The following SGTA variants were observed in gnomAD, a reference collection of about 807,000 sequenced individuals.
SGTA encodes the protein small glutamine-rich tetratricopeptide repeat-containing protein alpha.
A neutral mutation model predicts 44.3 loss-of-function variants in SGTA; 22 were observed. That is an observed-to-expected ratio of 0.50 (90% CI 0.36 to 0.71). SGTA has a LOEUF of 0.71. SGTA is among the 30% of genes least tolerant of loss of function. The pLI, the probability that SGTA is intolerant of heterozygous loss-of-function variation, is 0.00. For missense variants in SGTA, 341 were observed against 435.9 expected (o/e 0.78, Z 1.94); for synonymous variants, 174 against 177.6 (o/e 0.98, Z 0.16).
chr19:2,775,894 C>T (rs1022469679), intron 1 of SGTA, among the ~76,000 whole-genome samples: 3 of 152,170 alleles, frequency 2.0e-5, no homozygotes, highest in Admixed American at 6.5e-5. Context: ...TGTTTTGTGT[C>T]GCTGGACAGG....
At position 2,755,617 on chromosome 19, in the gene SGTA, T is replaced by A; in HGVS notation, c.*323A>T. 1 of 985,556 alleles carries A rather than the reference T, an allele frequency of 1.0e-6. No individual in the cohort carries two copies. The highest frequency in any genetic ancestry group is 4.7e-5 in the South Asian group (1 of 21,292). The allele number at this position is 985,556 out of a possible 1,614,324, so 61.1% of individuals were successfully genotyped here. A position where few individuals can be genotyped will look rare whatever the true frequency, so the allele number is the denominator to read the frequency against. On this transcript the variant is annotated 3_prime_UTR_variant, in exon 12 of 12. Coordinates refer to ENST00000221566, the MANE Select transcript of SGTA (RefSeq NM_003021.4). The surrounding 1 kb of genome is among the most constrained non-coding windows in gnomAD (Gnocchi z 5.2). ...GGCTGAACGTGAAACCTGCCACTTC[T>A]CTGAGAGCGGCCCGGGAGCACCCCA...
chr19:2,760,633 G>A (rs1313896275), intron 8 of SGTA, among the ~76,000 whole-genome samples: 2 of 151,686 alleles, frequency 1.3e-5, no homozygotes, highest in Admixed American at 6.6e-5. Flanking sequence ...ACATGGCCAA[G>A]CTGAGAGGCC....
intron 8 of SGTA, among the ~76,000 whole-genome samples, chr19:2,759,788 C>T (rs1914934161): frequency 6.6e-6 from 1 of 152,088 alleles, no homozygotes; most frequent in African/African-American, 2.4e-5. Flanking sequence ...TGGTGAAACC[C>T]CGTCTCTACT....
rs1305718732 is a variant in SGTA, at chr19:2,765,341, C to T, written c.293-56G>A. ...TGTCCACACAGACCGGAGGGGGTGT[C>T]AGGGAGAGAGGAAAACACCGGCCTG... On this transcript the variant is annotated intron_variant, in intron 4 of 11. Coordinates refer to ENST00000221566, the MANE Select transcript of SGTA (RefSeq NM_003021.4). This position sits in a 1 kb window ranked among gnomAD's most constrained non-coding sequence, Gnocchi z 5.5. The T allele has an allele frequency of 1.0e-5, 14 of 1,340,600 alleles. No homozygotes were observed. Among genetic ancestry groups the T allele is most frequent in the African/African-American group, 1.4e-5 (1 of 69,564 alleles). 83.0% of individuals were successfully genotyped at this position (1,340,600 alleles called of 1,614,324 possible).
At chr19:2,766,518 C>T (rs1338758628) in intron 4 of SGTA, among the ~76,000 whole-genome samples, 1 of 151,980 alleles carries the variant, frequency 6.6e-6, no homozygotes, top group Non-Finnish European at 1.5e-5. Context: ...CTGCAACCTC[C>T]GCCTCCCAGG....
intron 1 of SGTA, among the ~76,000 whole-genome samples, chr19:2,776,190 C>T (rs1305518387): frequency 2.0e-5 from 3 of 152,230 alleles, no homozygotes; most frequent in Non-Finnish European, 4.4e-5. Flanking sequence ...CCAAGGAAAA[C>T]AGACACATGC....
intron 1 of SGTA, among the ~76,000 whole-genome samples, chr19:2,781,963 T>A (rs1476702107): frequency 6.6e-6 from 1 of 151,694 alleles, no homozygotes; most frequent in East Asian, 1.9e-4. Flanking sequence ...TGCCTCAGCC[T>A]CCTGAGTAGC....
At chr19:2,780,268 C>T (rs533226396) in intron 1 of SGTA, among the ~76,000 whole-genome samples, 3 of 152,270 alleles carry the variant, frequency 2.0e-5, no homozygotes, top group Admixed American at 6.5e-5. Context: ...CAACTCCATC[C>T]CAAATCCACG....
intron 11 of SGTA, 124 bp downstream of exon 11, chr19:2,757,213 G>T: frequency 8.2e-7 from 1 of 1,225,702 alleles, no homozygotes; most frequent in Non-Finnish European, 1.1e-6. Context: ...AGGACTCGCT[G>T]TCCAGTGTCC....
intron 1 of SGTA, chr19:2,778,038 A>C (rs888887148): frequency 2.0e-5 from 3 of 151,708 alleles, no homozygotes; most frequent in African/African-American, 7.3e-5. Context: ...AAAAAAAAGA[A>C]ATCAGACCTG....
At chr19:2,775,813 C>T (rs1319112967) in intron 1 of SGTA, among the ~76,000 whole-genome samples, 3 of 152,116 alleles carry the variant, frequency 2.0e-5, no homozygotes, top group Non-Finnish European at 4.4e-5. Flanking sequence ...CTGAATTTCA[C>T]GGTGTGGGGA....
Position 2,763,579 on chromosome 19 carries a change from C to G in SGTA, c.497+74G>C. 1 of 1,052,274 alleles carries G rather than the reference C, an allele frequency of 9.5e-7. No individual in the cohort carries two copies. Among genetic ancestry groups the G allele is most frequent in the Non-Finnish European group, 1.4e-6 (1 of 714,470 alleles). The allele number at this position is 1,052,274 out of a possible 1,614,324, so 65.2% of individuals were successfully genotyped here. On this transcript the variant is annotated intron_variant, in intron 6 of 11. Coordinates refer to ENST00000221566, the MANE Select transcript of SGTA (RefSeq NM_003021.4). This position sits in a 1 kb window ranked among gnomAD's most constrained non-coding sequence, Gnocchi z 5.8. ...CGTTGTGGGTGGGAAAAAAGCCACA[C>G]AAGAGAGGAAGCAGGAGCAGGAGAG... is the stretch of plus-strand genomic sequence containing the variant.
At chr19:2,780,776 C>T (rs1051325464) in intron 1 of SGTA, among the ~76,000 whole-genome samples, 1 of 152,224 alleles carries the variant, frequency 6.6e-6, no homozygotes, top group Non-Finnish European at 1.5e-5. Flanking sequence ...CTCTGGGTCT[C>T]TGTTTCCACC....
At chr19:2,757,934 G>A in intron 9 of SGTA, 152 bp from the exon 10 acceptor site, 1 of 523,208 alleles carries the variant, frequency 1.9e-6, no homozygotes, top group Admixed American at 3.6e-5. Flanking sequence ...GGCCTCCAGG[G>A]CCCAAACCCA....
At position 2,765,586 on chromosome 19, in the gene SGTA, G is replaced by C. The variant is rs757064266; in HGVS notation, c.293-301C>G. Among the ~76,000 whole-genome samples, 36 of 152,044 alleles carry C rather than the reference G, an allele frequency of 2.4e-4. No individual in the cohort carries two copies. The highest frequency in any genetic ancestry group is 5.0e-4 in the Non-Finnish European group (34 of 67,974). On this transcript the variant is annotated intron_variant, in intron 4 of 11. Transcript: ENST00000221566. The surrounding 1 kb of genome is among the most constrained non-coding windows in gnomAD (Gnocchi z 5.5). ...GTCACTGCCTGGATGGCGACCCCGG[G>C]AGCAGAACAGTTAATACAGCTCACC...
intron 1 of SGTA, chr19:2,770,446 T>TGGCC (rs1915274984): frequency 6.6e-6 from 1 of 152,306 alleles, no homozygotes; most frequent in Middle Eastern, 3.2e-3. Context: ...CGGGGCAGGC[T>TGGCC]GGCCGGCTGC....
At position 2,763,820 on chromosome 19, in the gene SGTA, G is replaced by T; in HGVS notation, c.393-63C>A. 1 of 1,357,748 alleles carries T rather than the reference G, an allele frequency of 7.4e-7. No homozygotes were observed. The highest frequency in any genetic ancestry group is 1.0e-6 in the Non-Finnish European group (1 of 968,036). The allele number at this position is 1,357,748 out of a possible 1,614,324, so 84.1% of individuals were successfully genotyped here. A position where few individuals can be genotyped will look rare whatever the true frequency, so the allele number is the denominator to read the frequency against. ...GCTCTGAGCCCAGCGGGCAGCCCTTGAGGGGAGCCTGAGAGCTGCGTTCCT... is the reference window on the plus strand; with the variant it reads ...GCTCTGAGCCCAGCGGGCAGCCCTTTAGGGGAGCCTGAGAGCTGCGTTCCT... On this transcript the variant is annotated intron_variant, in intron 5 of 11. Coordinates refer to ENST00000221566, the MANE Select transcript of SGTA (RefSeq NM_003021.4). This position sits in a 1 kb window ranked among gnomAD's most constrained non-coding sequence, Gnocchi z 5.8.
rs1439247997 is a variant in SGTA at position 2,761,789 on chromosome 19, G to A, written c.637-267C>T. 6.5e-5 allele frequency among the ~76,000 whole-genome samples: 9 copies of A among 138,808 alleles called. No homozygotes were observed. The East Asian group carries it at 1.1e-3, about 17-fold the overall frequency. The allele number at this position is 138,808 out of a possible 152,430, so 91.1% of individuals were successfully genotyped here. On this transcript the variant is annotated intron_variant, in intron 7 of 11. Coordinates refer to ENST00000221566, the MANE Select transcript of SGTA (RefSeq NM_003021.4). This position sits in a 1 kb window ranked among gnomAD's most constrained non-coding sequence, Gnocchi z 5.7. ...CCCGTGTTTATTCCCCGCACAGCGC[G>A]ACCGCCCGGGGACGGCACAGTCTAT...
At chr19:2,757,627 C>T (rs939250189) in intron 10 of SGTA, 66 bp downstream of exon 10, 4 of 1,456,880 alleles carry the variant, frequency 2.7e-6, no homozygotes, top group African/African-American at 1.4e-5. Flanking sequence ...TCTCCTCCTT[C>T]CCTTCCGCCT....
Sources: gnomAD v4.1 joint callset for allele counts (sites outside exome capture counted in the v4.1 genomes callset) on GRCh38, gnomAD v4.1.1 for gene constraint, Gnocchi (gnomAD v3.1) non-coding constraint, MANE v1.5 for transcripts, NCBI Gene and HGNC (gene_info 2026-07-23, HGNC 2026-07-21) for gene names.